MARCHF1: variants seen among roughly 807,000 people sequenced by gnomAD.
The protein encoded by MARCHF1 is E3 ubiquitin-protein ligase MARCHF1.
Under a neutral mutation model 54.2 loss-of-function variants are expected in MARCHF1, and 40 were observed. The observed-to-expected ratio is 0.74, with a 90% CI of 0.57 to 0.96. The LOEUF (loss-of-function observed/expected upper bound fraction) is 0.96, where lower values mean the gene tolerates loss of function less well. Ranked by LOEUF, MARCHF1 falls within the 40% of genes least tolerant of loss-of-function variation. MARCHF1 has a pLI of 0.00. For synonymous variants in MARCHF1, 236 were observed against 236.3 expected (o/e 1.00, Z 0.01); for missense variants, 586 against 656.5 (o/e 0.89, Z 1.17).
intron 4 of MARCHF1, among the ~76,000 whole-genome samples, chr4:163,851,486 TGG>T (rs1340456167): frequency 6.6e-6 from 1 of 152,230 alleles, no homozygotes; most frequent in African/African-American, 2.4e-5. Flanking sequence ...AATTTGTTCA[TGG>T]GTGATTCATT....
chr4:164,175,525 G>C (rs1380048265), intron 1 of MARCHF1, among the ~76,000 whole-genome samples: 1 of 152,198 alleles, frequency 6.6e-6, no homozygotes, highest in Non-Finnish European at 1.5e-5. Flanking sequence ...GTACTCAGTT[G>C]TTCCGTCAAA....
At chr4:163,819,607 C>G (rs1748636384) in intron 4 of MARCHF1, among the ~76,000 whole-genome samples, 1 of 152,086 alleles carries the variant, frequency 6.6e-6, no homozygotes, top group Non-Finnish European at 1.5e-5. Flanking sequence ...ACCCTCCTAC[C>G]TCTCCAAATC....
intron 1 of MARCHF1, among the ~76,000 whole-genome samples, chr4:164,319,256 T>C (rs536371589): frequency 1.3e-5 from 2 of 152,296 alleles, no homozygotes; most frequent in East Asian, 3.9e-4. Flanking sequence ...CTAGAGATCA[T>C]TTAATGTATA....
chr4:163,907,772 C>A (rs1207862671), intron 3 of MARCHF1, among the ~76,000 whole-genome samples: 1 of 152,080 alleles, frequency 6.6e-6, no homozygotes, highest in Non-Finnish European at 1.5e-5. Flanking sequence ...TGAACTATAT[C>A]AATTACTAAG....
chr4:164,244,372 A>G (rs1732874455), intron 1 of MARCHF1, among the ~76,000 whole-genome samples: 1 of 152,158 alleles, frequency 6.6e-6, no homozygotes, highest in East Asian at 1.9e-4. Context: ...GTACATAACG[A>G]AATGAAGGCA....
At chr4:164,382,577 C>T (rs888157066) in intron 1 of MARCHF1, among the ~76,000 whole-genome samples, 10 of 152,208 alleles carry the variant, frequency 6.6e-5, no homozygotes, top group Admixed American at 6.5e-5. Flanking sequence ...CACTGAACCC[C>T]CAAAGTAGCA....
intron 4 of MARCHF1, among the ~76,000 whole-genome samples, chr4:163,830,462 G>C (rs1748987074): frequency 6.6e-6 from 1 of 152,174 alleles, no homozygotes. Flanking sequence ...GGCTCTCAGA[G>C]AAGTAGCGCA....
At chr4:164,358,636 C>A (rs1249199794) in intron 1 of MARCHF1, among the ~76,000 whole-genome samples, 1 of 152,100 alleles carries the variant, frequency 6.6e-6, no homozygotes, top group Non-Finnish European at 1.5e-5. Flanking sequence ...TGGTTCACTT[C>A]AGTAGTTTAT....
In MARCHF1 at chr4:164,076,985, C is replaced by T. The variant is rs1754995137; in HGVS notation, c.-248+34603G>A. On this transcript the variant is annotated intron_variant, in intron 2 of 9. Coordinates refer to ENST00000514618, the MANE Select transcript of MARCHF1 (RefSeq NM_001394959.1). Reference sequence around the variant, plus strand: ...TTAATTTATAGATTCAATAATATCCCCATCAAGCACCATAGACTTTCTTCA... The same window carrying T: ...TTAATTTATAGATTCAATAATATCCTCATCAAGCACCATAGACTTTCTTCA... Among the ~76,000 whole-genome samples the T allele has an allele frequency of 3.3e-5, 5 of 152,078 alleles. 1 individual carries two copies. The highest frequency in any genetic ancestry group is 3.3e-4 in the Admixed American group (5 of 15,244).
intron 1 of MARCHF1, 131 bp from the exon 2 acceptor site, chr4:164,111,793 T>C (rs1755839328): frequency 6.6e-6 from 1 of 151,812 alleles, no homozygotes; most frequent in South Asian, 2.1e-4. Flanking sequence ...CTTTAAAATA[T>C]AATACTGTTC....
At chr4:163,630,714 T>TTATGTTCAAGGTG (rs1742044380) in intron 5 of MARCHF1, among the ~76,000 whole-genome samples, 2 of 152,216 alleles carry the variant, frequency 1.3e-5, no homozygotes, top group African/African-American at 2.4e-5. Flanking sequence ...CAAGGTGAGA[T>TTATGTTCAAGGTG]ATTATTAATG....
At chr4:163,884,226 C>A (rs1750481814) in intron 3 of MARCHF1, among the ~76,000 whole-genome samples, 1 of 151,904 alleles carries the variant, frequency 6.6e-6, no homozygotes, top group African/African-American at 2.4e-5. Flanking sequence ...GTAACTCATG[C>A]CCTGGGACCT....
chr4:163,942,507 T>C (rs1271236442), intron 3 of MARCHF1, among the ~76,000 whole-genome samples: 1 of 152,184 alleles, frequency 6.6e-6, no homozygotes, highest in East Asian at 1.9e-4. Flanking sequence ...AATAAGTGAC[T>C]GATTATATGG....
intron 4 of MARCHF1, among the ~76,000 whole-genome samples, chr4:163,701,630 A>G (rs1287147330): frequency 6.6e-6 from 1 of 152,184 alleles, no homozygotes; most frequent in Admixed American, 6.5e-5. Flanking sequence ...TACTCTGCCA[A>G]TTATGTGCTG....
chr4:163,749,199 G>T (rs555992856), intron 4 of MARCHF1, among the ~76,000 whole-genome samples: 11 of 147,602 alleles, frequency 7.5e-5, no homozygotes, highest in African/African-American at 2.8e-4. Flanking sequence ...TTCATTTTAA[G>T]TTATCTTTTT....
intron 1 of MARCHF1, among the ~76,000 whole-genome samples, chr4:164,377,624 T>TAC (rs1561025474): frequency 1.4e-5 from 2 of 145,202 alleles, no homozygotes; most frequent in Non-Finnish European, 3.1e-5. Flanking sequence ...CATACACACA[T>TAC]GTGTCTGTGT....
intron 1 of MARCHF1, among the ~76,000 whole-genome samples, chr4:164,243,931 A>G (rs2111220756): frequency 6.6e-6 from 1 of 152,258 alleles, no homozygotes; most frequent in African/African-American, 2.4e-5. Context: ...ATATGCACCC[A>G]ATACAGGAGC....
intron 1 of MARCHF1, among the ~76,000 whole-genome samples, chr4:164,117,268 AAAAT>A (rs1379903502): frequency 6.6e-6 from 1 of 152,028 alleles, no homozygotes; most frequent in Non-Finnish European, 1.5e-5. Flanking sequence ...AAAAAAATAA[AAAAT>A]AAATAAATAA....
chr4:163,561,361 T>C (rs1461223457), intron 8 of MARCHF1, among the ~76,000 whole-genome samples: 1 of 152,334 alleles, frequency 6.6e-6, no homozygotes, highest in East Asian at 1.9e-4. Context: ...TTATAGCTAG[T>C]TCTGTGCCCA....
Sources: allele counts gnomAD v4.1 joint callset (sites outside exome capture counted in the v4.1 genomes callset), GRCh38; gene constraint gnomAD v4.1.1; transcripts MANE v1.5; gene names NCBI Gene and HGNC (gene_info 2026-07-23, HGNC 2026-07-21).